The following CHL1 variants were observed in gnomAD, a reference collection of about 807,000 sequenced individuals.
CHL1 encodes neural cell adhesion molecule L1-like protein.
In CHL1, 96 loss-of-function variants were observed where a neutral mutation model predicts 141.9. The observed-to-expected ratio is 0.68, with a 90% CI of 0.57 to 0.80. The LOEUF is 0.80. CHL1 is among the 30% of genes least tolerant of loss of function. CHL1 has a pLI of 0.00. For synonymous variants in CHL1, 613 were observed against 502.2 expected (o/e 1.22, Z -2.95); for missense variants, 1,820 against 1,457.2 (o/e 1.25, Z -4.05).
chr3:316,016 T>C (rs1267485660), intron 2 of CHL1, among the ~76,000 whole-genome samples: 2 of 151,894 alleles, frequency 1.3e-5, no homozygotes, highest in African/African-American at 4.8e-5. Flanking sequence ...GGCCCACAGA[T>C]TGGTTCGATC....
Position 365,941 on chromosome 3 carries a change from T to TA in CHL1, c.1586-4dup, listed in dbSNP as rs539419442. On this transcript the variant is annotated splice_polypyrimidine_tract_variant and intron_variant, in intron 14 of 27. Coordinates refer to ENST00000256509, the MANE Select transcript of CHL1 (RefSeq NM_006614.4). ...AGTTCTAACTAATATCTTTGTTTGG[T>TA]AAAAACAGATGCTACAAAACTTAGA... The TA allele has an allele frequency of 7.5e-6, 12 of 1,609,204 alleles. No homozygotes were observed. Among genetic ancestry groups the TA allele is most frequent in the Non-Finnish European group, 1.0e-5 (12 of 1,177,076 alleles).
chr3:337,693 A>G (rs1022092306), intron 5 of CHL1, among the ~76,000 whole-genome samples: 6 of 152,174 alleles, frequency 3.9e-5, no homozygotes, highest in Non-Finnish European at 5.9e-5. Flanking sequence ...AAAGGACATG[A>G]ACTCATCATT....
chr3:358,903 G>A (rs955211476), intron 11 of CHL1, among the ~76,000 whole-genome samples: 26 of 149,890 alleles, frequency 1.7e-4, no homozygotes, highest in Admixed American at 4.7e-4. Context: ...TTTTGCATTT[G>A]TGCCCTTCCC....
intron 1 of CHL1, among the ~76,000 whole-genome samples, chr3:234,393 A>G (rs1246058515): frequency 2.0e-5 from 3 of 152,150 alleles, no homozygotes; most frequent in African/African-American, 4.8e-5. Context: ...TGAAAGGGTG[A>G]AACTACTTGA....
At chr3:402,417 C>T (rs77606928) in intron 27 of CHL1, among the ~76,000 whole-genome samples, 1,810 of 152,274 alleles carry the variant, frequency 0.012, 35 homozygotes, top group African/African-American at 0.041. Flanking sequence ...TCTTTCTCCA[C>T]CTTCCCCTTT....
intron 1 of CHL1, among the ~76,000 whole-genome samples, chr3:232,903 C>G (rs1347773960): frequency 6.6e-6 from 1 of 152,084 alleles, no homozygotes; most frequent in Non-Finnish European, 1.5e-5. Context: ...ACTCAAAGAC[C>G]TTTTTATAAA....
Position 391,009 on chromosome 3 carries a change from G to T in CHL1, c.2641G>T (p.Val881Leu), listed in dbSNP as rs148282682. ...GGATGGAAGAACACATCCCAAAGAA[G>T]TGAACATTCTAAGATTTTCAGGACA... ...LLDGRTHPKEVNILRFSGQRN... is the reference protein window; with the variant it reads ...LLDGRTHPKELNILRFSGQRN... The change falls in exon 22 of 28, where the codon GTG becomes TTG. Residue 881 changes from valine (V) to leucine (L), a missense_variant. Transcript: ENST00000256509. 88 of 1,614,068 alleles carry T rather than the reference G, an allele frequency of 5.5e-5. No homozygotes were observed. Among genetic ancestry groups the T allele is most frequent in the Non-Finnish European group, 6.9e-5 (82 of 1,180,000 alleles).
chr3:293,065 A>C (rs1697845368), intron 2 of CHL1, among the ~76,000 whole-genome samples: 1 of 152,228 alleles, frequency 6.6e-6, no homozygotes, highest in African/African-American at 2.4e-5. Flanking sequence ...AACCAAATTA[A>C]TGTTTATCGA....
chr3:297,338 C>T (rs1435343040), intron 2 of CHL1, among the ~76,000 whole-genome samples: 5 of 152,060 alleles, frequency 3.3e-5, no homozygotes, highest in South Asian at 4.2e-4. Flanking sequence ...GTCAGAAAAG[C>T]GTAATTTGTG....
intron 23 of CHL1, 81 bp from the exon 24 acceptor site, chr3:394,612 A>ATAAGGAG (rs1708515598): frequency 1.0e-6 from 1 of 1,003,664 alleles, no homozygotes; most frequent in Admixed American, 2.2e-5. Context: ...TACCACAAGC[A>ATAAGGAG]TAAGGAGAAA....
intron 2 of CHL1, among the ~76,000 whole-genome samples, chr3:250,990 A>G (rs1448346613): frequency 1.3e-5 from 2 of 152,176 alleles, no homozygotes; most frequent in Non-Finnish European, 2.9e-5. Context: ...TCTTATCCTC[A>G]TGAAGCTTAT....
chr3:269,080 G>C (rs17016919), intron 2 of CHL1, among the ~76,000 whole-genome samples: 24,482 of 152,188 alleles, frequency 0.16, 2,350 homozygotes, highest in East Asian at 0.39. Flanking sequence ...ATTATGGTCA[G>C]AATCCTGTCT....
chr3:305,581 A>T (rs1425629084), intron 2 of CHL1, among the ~76,000 whole-genome samples: 1 of 151,858 alleles, frequency 6.6e-6, no homozygotes, highest in Non-Finnish European at 1.5e-5. Context: ...CATGGTCTTT[A>T]CCTGTTTGTT....
At chr3:249,353 C>A (rs1442455498) in intron 2 of CHL1, among the ~76,000 whole-genome samples, 2 of 152,030 alleles carry the variant, frequency 1.3e-5, no homozygotes, top group African/African-American at 4.8e-5. Flanking sequence ...TTAGTGACTT[C>A]ACATTTACCA....
chr3:406,576 T>C lies in CHL1; in HGVS notation c.*865T>C, dbSNP rs548450248. The stretch of plus-strand genomic sequence containing the variant: ...CCTTTTTCTCATGTTTATATAATGG[T>C]ATGCTTGCATATATTTCATGAATAC... On this transcript the variant is annotated 3_prime_UTR_variant, in exon 28 of 28. Transcript: ENST00000256509. 2.0e-5 allele frequency: 3 copies of C among 152,128 alleles called. No homozygotes were observed. The highest frequency in any genetic ancestry group is 2.9e-5 in the Non-Finnish European group (2 of 68,026). The allele number at this position is 152,128 out of a possible 1,614,324, so 9.4% of individuals were successfully genotyped here. A position where few individuals can be genotyped will look rare whatever the true frequency, so the allele number is the denominator to read the frequency against.
chr3:322,883 A>G (rs1316346401), intron 3 of CHL1, among the ~76,000 whole-genome samples: 1 of 150,902 alleles, frequency 6.6e-6, no homozygotes, highest in African/African-American at 2.4e-5. Context: ...AGAGTAAAAA[A>G]CTCTCAAAAC....
At chr3:255,113 C>T (rs1490734091) in intron 2 of CHL1, among the ~76,000 whole-genome samples, 1 of 152,176 alleles carries the variant, frequency 6.6e-6, no homozygotes, top group Non-Finnish European at 1.5e-5. Flanking sequence ...ATTTTCCTTT[C>T]AGAATGTTAT....
At chr3:212,306 A>G (rs1268586229) in intron 1 of CHL1, among the ~76,000 whole-genome samples, 1 of 152,078 alleles carries the variant, frequency 6.6e-6, no homozygotes, top group Non-Finnish European at 1.5e-5. Flanking sequence ...TCAGGCAATA[A>G]AGCAAGACTG....
intron 16 of CHL1, among the ~76,000 whole-genome samples, chr3:380,680 G>A (rs985140418): frequency 2.6e-5 from 4 of 151,872 alleles, no homozygotes; most frequent in African/African-American, 7.3e-5. Context: ...AGGTTAAGAC[G>A]GTATCAAAGT....
Sources: allele counts gnomAD v4.1 joint callset (sites outside exome capture counted in the v4.1 genomes callset), GRCh38; gene constraint gnomAD v4.1.1; transcripts MANE v1.5; gene names NCBI Gene and HGNC (gene_info 2026-07-23, HGNC 2026-07-21).